DHPS: variants seen among roughly 807,000 people sequenced by gnomAD.
The protein encoded by DHPS is migration-inducing gene 13.
DHPS carries 24 observed loss-of-function variants against 38.7 expected under a neutral mutation model. The ratio of observed to expected loss-of-function variants is 0.62; its 90% CI spans 0.45 to 0.87. The LOEUF is 0.87. Among genes scored for constraint, DHPS ranks in the 40% least tolerant of loss-of-function variants. The probability of loss-of-function intolerance (pLI) is 0.00; values close to 1 mark genes in which losing one functional copy is unlikely to be tolerated. For missense variants in DHPS, 510 were observed against 497.6 expected, an observed-to-expected ratio of 1.02 and a Z score of -0.24; for synonymous variants, 250 against 204.4, an observed-to-expected ratio of 1.22 and a Z score of -1.90.
At chr19:12,680,423 A>C in intron 1 of DHPS, 98 bp from the exon 2 acceptor site, 1 of 1,314,182 alleles carries the variant, frequency 7.6e-7, no homozygotes, top group Non-Finnish European at 1.1e-6. Context: ...CAGGCCCTGC[A>C]CATTCAGGGA....
downstream of DHPS, chr19:12,672,976 A>G: frequency 1.3e-6 from 2 of 1,597,424 alleles, no homozygotes; most frequent in Non-Finnish European, 1.7e-6. Flanking sequence ...GGGGCACCCC[A>G]CCCTCACTCA....
intron 5 of DHPS, among the ~76,000 whole-genome samples, chr19:12,678,768 C>CAAA (rs1183531365): frequency 2.4e-4 from 11 of 46,302 alleles, no homozygotes; most frequent in African/African-American, 4.6e-4. Flanking sequence ...GACTCTGTCT[C>CAAA]AAAAAAAAAA....
chr19:12,673,410 CTTT>C (rs58676851), downstream of DHPS: 13,549 of 239,742 alleles, frequency 0.057, 3 homozygotes, highest in South Asian at 0.084. Context: ...AGGCTAGGAT[CTTT>C]TTTTTTTTTT....
chr19:12,681,601 C>A lies in DHPS; in HGVS notation c.166G>T (p.Ala56Ser). Residue 56 changes from alanine to serine, a missense_variant, in exon 1 of 9, where the codon GCA (alanine) becomes TCA (serine). Transcript: ENST00000210060. Reference protein sequence around the residue: ...LEAFGTTGFQATNFGRAVQQV... With the variant: ...LEAFGTTGFQSTNFGRAVQQV... ...TGTACAGCGCGCCCGAAGTTGGTTG[C>A]TTGGAAGCCGGTGGTGCCGAAGGCC... The A allele has an allele frequency of 6.2e-7, 1 of 1,614,266 alleles. No homozygotes were observed. Among genetic ancestry groups the A allele is most frequent in the Non-Finnish European group, 8.5e-7 (1 of 1,180,040 alleles).
At chr19:12,675,417 G>A, downstream of DHPS, 2 of 1,479,122 alleles carry the variant, frequency 1.4e-6, no homozygotes, top group African/African-American at 1.4e-5. Context: ...TCGGGGAGAG[G>A]TGACTGAGGG....
downstream of DHPS, chr19:12,675,632 G>A: frequency 3.7e-6 from 6 of 1,602,376 alleles, no homozygotes; most frequent in Non-Finnish European, 5.1e-6. Context: ...GTCCAGTGCT[G>A]GCGAGAGGAG....
rs762435522 is a variant in DHPS, at chr19:12,679,486, G to A, written c.649C>T (p.Pro217Ser). The change falls in exon 5 of 9, where the codon CCA becomes TCA. Residue 217 changes from proline to serine, a missense_variant. Transcript: ENST00000210060. The stretch of plus-strand genomic sequence containing the variant: ...TGGGCCCAGTAATACACGGACTCTG[G>A]GTTGTTGATCTCCTTGCCCAGCCGG... The part of the protein sequence containing the change: ...IARLGKEINN[P>S]ESVYYWAQKN... The A allele has an allele frequency of 9.3e-6, 15 of 1,614,138 alleles. 1 individual carries two copies. In the Admixed American group the frequency reaches 2.3e-4, roughly 25 times the overall value.
chr19:12,679,423 A>G (rs1013667756), intron 5 of DHPS, 34 bp downstream of exon 5: 1 of 1,599,068 alleles, frequency 6.3e-7, no homozygotes, highest in East Asian at 2.2e-5. Flanking sequence ...CACATGCCAA[A>G]GTCTGGCTAC....
chr19:12,675,103 A>C (rs1568316048), downstream of DHPS, among the ~76,000 whole-genome samples: 2 of 147,406 alleles, frequency 1.4e-5, no homozygotes, highest in African/African-American at 5.1e-5. Flanking sequence ...ACAGAGCAAG[A>C]CTCCATCTCA....
At chr19:12,674,717 C>T (rs190529804), downstream of DHPS, among the ~76,000 whole-genome samples, 2 of 152,168 alleles carry the variant, frequency 1.3e-5, no homozygotes, top group East Asian at 1.9e-4. Flanking sequence ...AAGCTGTGAG[C>T]AAGGCATGCT....
intron 8 of DHPS, 35 bp downstream of exon 8, chr19:12,675,982 C>T (rs756294017): frequency 1.2e-6 from 2 of 1,608,024 alleles, no homozygotes; most frequent in African/African-American, 2.7e-5. Context: ...ACTCATCGTC[C>T]CAGAGACCCT....
downstream of DHPS, among the ~76,000 whole-genome samples, chr19:12,674,227 G>A (rs557744048): frequency 2.0e-5 from 3 of 152,304 alleles, no homozygotes; most frequent in Non-Finnish European, 4.4e-5. Flanking sequence ...GGTGAGATAG[G>A]GCTGCAGTCA....
intron 5 of DHPS, among the ~76,000 whole-genome samples, 176 bp from the exon 6 acceptor site, chr19:12,677,572 C>T (rs1284455704): frequency 6.6e-6 from 1 of 152,106 alleles, no homozygotes; most frequent in Non-Finnish European, 1.5e-5. Context: ...CCACAGAAAA[C>T]ACTTAGTATA....
downstream of DHPS, chr19:12,673,171 G>A (rs1331411760): frequency 6.2e-7 from 1 of 1,613,412 alleles, no homozygotes; most frequent in South Asian, 1.1e-5. Flanking sequence ...CCCTGGAGAG[G>A]ACCAAGCCCC....
chr19:12,675,793 TAATA>T lies in DHPS; in HGVS notation c.*41_*44del, dbSNP rs1568316742. On this transcript the variant is annotated 3_prime_UTR_variant, in exon 9 of 9. Coordinates refer to ENST00000210060, the MANE Select transcript of DHPS (RefSeq NM_001930.4). ...TAGGGGAGGGGCTGGGTCTGCAAAT[TAATA>T]AATAGAAGAGGGGGTAAGACCTTCC... 2 of 1,567,728 alleles carry T rather than the reference TAATA, an allele frequency of 1.3e-6. No homozygotes were observed. The highest frequency in any genetic ancestry group is 1.7e-4 in the Middle Eastern group (1 of 5,840).
At position 12,677,148 on chromosome 19, in the gene DHPS, C is replaced by T. The variant is rs1477236986; in HGVS notation, c.848G>A (p.Gly283Glu). The T allele has an allele frequency of 6.2e-7, 1 of 1,614,108 alleles. No homozygotes were observed. Among genetic ancestry groups the T allele is most frequent in the Non-Finnish European group, 8.5e-7 (1 of 1,180,048 alleles). ...GGCAATGTGGTGCTTGACCACGCCC[C>T]CGCCCAGAATGATCATCCCAGTGCA... is the stretch of plus-strand genomic sequence containing the variant. ...AKCTGMIILGGGVVKHHIANA... is the reference protein window; with the variant it reads ...AKCTGMIILGEGVVKHHIANA... Residue 283 changes from glycine to glutamate, a missense_variant, in exon 7 of 9, where the codon GGG becomes GAG. Gly to Glu is a moderately conservative substitution (Grantham distance 98). Coordinates refer to ENST00000210060, the MANE Select transcript of DHPS (RefSeq NM_001930.4).
In DHPS at chr19:12,680,268, G is replaced by A; in HGVS notation, c.265C>T (p.Gln89Ter). ...CAGCTGGTAAGTGGGCGGCGGCTCT[G>A]GGTCAGGTCCGCGTGCTGGTCTTCA... Reference protein sequence around the residue: ...QDEDQHADLTQSRRPLTSCTI... With the variant: ...QDEDQHADLT The change falls in exon 2 of 9, where the codon CAG becomes TAG. Residue 89 changes from glutamine (Q) to a stop codon, truncating the protein, a stop_gained. Transcript: ENST00000210060. LOFTEE classifies it high-confidence loss of function. The A allele has an allele frequency of 6.2e-7, 1 of 1,614,160 alleles. No individual in the cohort carries two copies. Among genetic ancestry groups the A allele is most frequent in the Non-Finnish European group, 8.5e-7 (1 of 1,180,032 alleles).
intron 7 of DHPS, chr19:12,676,423 A>C (rs1031842888): frequency 2.4e-6 from 1 of 417,554 alleles, no homozygotes; most frequent in Non-Finnish European, 4.4e-6. Flanking sequence ...AAGCCCTCCA[A>C]ATCCAACCAC....
downstream of DHPS, chr19:12,672,971 A>C (rs2024467629): frequency 6.3e-7 from 1 of 1,598,036 alleles, no homozygotes; most frequent in Admixed American, 1.7e-5. Context: ...AACCAGGGGC[A>C]CCCCACCCTC....
Sources: allele counts gnomAD v4.1 joint callset (sites outside exome capture counted in the v4.1 genomes callset), GRCh38; gene constraint gnomAD v4.1.1; transcripts MANE v1.5; gene names NCBI Gene and HGNC (gene_info 2026-07-23, HGNC 2026-07-21).